Variants in TAFA2 observed in about 807,000 individuals in gnomAD.
TAFA2 encodes chemokine-like protein TAFA-2.
In TAFA2, 7 loss-of-function variants were observed where a neutral mutation model predicts 18.8. That is an observed-to-expected ratio of 0.37 (90% CI 0.21 to 0.70). TAFA2 has a LOEUF of 0.70. Ranked by LOEUF, TAFA2 falls within the 30% of genes least tolerant of loss-of-function variation. The probability of loss-of-function intolerance (pLI) is 0.53; values close to 1 mark genes in which losing one functional copy is unlikely to be tolerated. For synonymous variants in TAFA2, 60 were observed against 54.2 expected, an observed-to-expected ratio of 1.11 and a Z score of -0.47; for missense variants, 122 against 158.1, an observed-to-expected ratio of 0.77 and a Z score of 1.23.
rs150577896 is a variant in TAFA2, at chr12:62,106,626, G to A, written c.-2+84633C>T. The stretch of plus-strand genomic sequence containing the variant: ...TAGAAAAATTGCTATAGATGACACT[G>A]TGGCCTGCTTGATGAGAATCTGTAG... On this transcript the variant is annotated intron_variant, in intron 1 of 4. Coordinates refer to ENST00000416284, the MANE Select transcript of TAFA2 (RefSeq NM_178539.5). 1.1e-4 allele frequency among the ~76,000 whole-genome samples: 16 copies of A among 152,278 alleles called. 1 individual carries two copies. In the East Asian group the frequency reaches 1.4e-3, roughly 13 times the overall value.
intron 1 of TAFA2, among the ~76,000 whole-genome samples, chr12:61,881,853 A>G (rs1468743027): frequency 6.6e-6 from 1 of 152,056 alleles, no homozygotes; most frequent in African/African-American, 2.4e-5. Flanking sequence ...TTCAGTTCGA[A>G]GCCATCTTAT....
intron 2 of TAFA2, among the ~76,000 whole-genome samples, chr12:61,765,593 T>C (rs1479286606): frequency 1.3e-5 from 2 of 152,132 alleles, no homozygotes; most frequent in African/African-American, 4.8e-5. Context: ...AAAATTGTTT[T>C]ATCTCTGTAA....
intron 1 of TAFA2, among the ~76,000 whole-genome samples, chr12:62,245,056 T>G (rs2062878740): frequency 6.6e-6 from 1 of 152,064 alleles, no homozygotes; most frequent in Non-Finnish European, 1.5e-5. Flanking sequence ...ACTTTAAGGT[T>G]GATATTTTAT....
At chr12:61,864,401 T>C (rs1022837409) in intron 2 of TAFA2, among the ~76,000 whole-genome samples, 1 of 147,998 alleles carries the variant, frequency 6.8e-6, no homozygotes, top group Non-Finnish European at 1.5e-5. Context: ...ATATGGTGTG[T>C]ATATATATAT....
At chr12:62,174,280 C>T (rs1396442704) in intron 1 of TAFA2, among the ~76,000 whole-genome samples, 1 of 152,138 alleles carries the variant, frequency 6.6e-6, no homozygotes, top group South Asian at 2.1e-4. Context: ...TGCACCACTG[C>T]CCTCCAGCTG....
intron 1 of TAFA2, among the ~76,000 whole-genome samples, chr12:61,927,898 C>G (rs1359951187): frequency 1.3e-5 from 2 of 152,138 alleles, no homozygotes; most frequent in Non-Finnish European, 2.9e-5. Flanking sequence ...CTGACAAAAA[C>G]AAGCAATGGG....
At chr12:61,932,278 C>G (rs563849013) in intron 1 of TAFA2, among the ~76,000 whole-genome samples, 13 of 152,144 alleles carry the variant, frequency 8.5e-5, no homozygotes, top group Non-Finnish European at 1.5e-4. Flanking sequence ...TGAGATGATG[C>G]ACATTCCTTT....
intron 2 of TAFA2, among the ~76,000 whole-genome samples, chr12:61,837,577 T>C (rs1872986464): frequency 6.6e-6 from 1 of 152,002 alleles, no homozygotes; most frequent in African/African-American, 2.4e-5. Context: ...CACTTATATA[T>C]CTGAACTGCT....
intron 1 of TAFA2, among the ~76,000 whole-genome samples, chr12:62,228,115 AT>A (rs910526359): frequency 1.3e-5 from 2 of 151,990 alleles, no homozygotes; most frequent in Admixed American, 6.6e-5. Context: ...TTAATTTTTA[AT>A]TTTTTTATCG....
chr12:61,763,120 T>C (rs1205386147), intron 2 of TAFA2, among the ~76,000 whole-genome samples: 7 of 152,032 alleles, frequency 4.6e-5, no homozygotes, highest in African/African-American at 1.7e-4. Flanking sequence ...TTAACAGAAA[T>C]AGTAATTTAA....
intron 2 of TAFA2, among the ~76,000 whole-genome samples, chr12:61,766,392 C>T (rs1241681470): frequency 6.6e-6 from 1 of 152,088 alleles, no homozygotes; most frequent in Admixed American, 6.6e-5. Context: ...AGCATACCTT[C>T]ACATCTCTTT....
chr12:62,226,294 C>T (rs983885765), intron 1 of TAFA2, among the ~76,000 whole-genome samples: 32 of 151,672 alleles, frequency 2.1e-4, no homozygotes, highest in Admixed American at 2.0e-3. Context: ...CCTGGGTTCA[C>T]GCCATTCTCC....
At chr12:62,047,021 C>T (rs571955746) in intron 1 of TAFA2, among the ~76,000 whole-genome samples, 1 of 151,992 alleles carries the variant, frequency 6.6e-6, no homozygotes, top group South Asian at 2.1e-4. Flanking sequence ...ATTAGGTTAA[C>T]ACCCATAGAA....
At chr12:61,945,948 A>G (rs1878249479) in intron 1 of TAFA2, among the ~76,000 whole-genome samples, 1 of 146,542 alleles carries the variant, frequency 6.8e-6, no homozygotes, top group Non-Finnish European at 1.5e-5. Context: ...CAGAATTGGA[A>G]AAAACTACTT....
At chr12:62,222,344 A>G (rs2062766545) in intron 1 of TAFA2, among the ~76,000 whole-genome samples, 1 of 152,176 alleles carries the variant, frequency 6.6e-6, no homozygotes, top group Non-Finnish European at 1.5e-5. Flanking sequence ...GAACCAGTGC[A>G]GGATCTAATC....
At chr12:61,734,155 A>G (rs906893928) in intron 4 of TAFA2, among the ~76,000 whole-genome samples, 3 of 151,644 alleles carry the variant, frequency 2.0e-5, no homozygotes, top group African/African-American at 7.3e-5. Context: ...GTTGCTTATC[A>G]GCTTAAGGAG....
intron 1 of TAFA2, among the ~76,000 whole-genome samples, chr12:61,904,657 C>T (rs1876261345): frequency 6.6e-6 from 1 of 152,044 alleles, no homozygotes; most frequent in Non-Finnish European, 1.5e-5. Flanking sequence ...AGTAAATAAC[C>T]TGTTTTTATA....
chr12:61,936,562 C>T (rs939585525), intron 1 of TAFA2, among the ~76,000 whole-genome samples: 8 of 150,102 alleles, frequency 5.3e-5, no homozygotes, highest in South Asian at 4.3e-4. Context: ...AATGAGACTC[C>T]GTCTCAAAAA....
intron 1 of TAFA2, among the ~76,000 whole-genome samples, chr12:61,888,697 C>T (rs1875497575): frequency 6.6e-6 from 1 of 152,056 alleles, no homozygotes; most frequent in South Asian, 2.1e-4. Flanking sequence ...ATGCAACAAT[C>T]CAACATGTAC....
Sources: allele counts gnomAD v4.1 joint callset (sites outside exome capture counted in the v4.1 genomes callset), GRCh38; gene constraint gnomAD v4.1.1; transcripts MANE v1.5; gene names NCBI Gene and HGNC (gene_info 2026-07-23, HGNC 2026-07-21).